Variants in GFRA1 observed in about 807,000 individuals in gnomAD.
GFRA1 encodes GDNF family receptor alpha-1.
In GFRA1, 16 loss-of-function variants were observed where a neutral mutation model predicts 51.6. The observed-to-expected ratio is 0.31, with a 90% CI of 0.21 to 0.47. The LOEUF (loss-of-function observed/expected upper bound fraction) is 0.47, where lower values mean the gene tolerates loss of function less well. Ranked by LOEUF, GFRA1 falls within the 20% of genes least tolerant of loss-of-function variation. The pLI, the probability that GFRA1 is intolerant of heterozygous loss-of-function variation, is 1.00. For missense variants in GFRA1, 530 were observed against 594.3 expected, an observed-to-expected ratio of 0.89 and a Z score of 1.13; for synonymous variants, 270 against 241.3, an observed-to-expected ratio of 1.12 and a Z score of -1.10.
chr10:116,124,052 G>A (rs1957751435), intron 6 of GFRA1, among the ~76,000 whole-genome samples: 2 of 151,238 alleles, frequency 1.3e-5, no homozygotes, highest in Admixed American at 6.6e-5. Context: ...CCAAAGGCAT[G>A]CACTACCACG....
chr10:116,166,790 T>C (rs1260196367), intron 5 of GFRA1, among the ~76,000 whole-genome samples: 2 of 63,842 alleles, frequency 3.1e-5, no homozygotes, highest in African/African-American at 1.2e-4. Context: ...CTTTTTTTTT[T>C]TTTTTTTTTT....
chr10:116,114,721 C>G (rs977658214), intron 6 of GFRA1, among the ~76,000 whole-genome samples: 2 of 152,104 alleles, frequency 1.3e-5, no homozygotes, highest in Non-Finnish European at 1.5e-5. Flanking sequence ...TCAAAGATCT[C>G]TCTCTGTTCT....
chr10:116,228,128 G>A (rs1254701946), intron 4 of GFRA1, among the ~76,000 whole-genome samples: 1 of 152,146 alleles, frequency 6.6e-6, no homozygotes, highest in Non-Finnish European at 1.5e-5. Flanking sequence ...CAGGGCTTGG[G>A]TAATCAAAGC....
chr10:116,156,095 A>G (rs1392649921), intron 5 of GFRA1, among the ~76,000 whole-genome samples: 1 of 152,244 alleles, frequency 6.6e-6, no homozygotes, highest in Non-Finnish European at 1.5e-5. Context: ...GCAAAGCTCC[A>G]ATCAAACCAA....
intron 5 of GFRA1, among the ~76,000 whole-genome samples, chr10:116,182,358 T>C (rs1394707287): frequency 6.6e-6 from 1 of 152,250 alleles, no homozygotes; most frequent in Non-Finnish European, 1.5e-5. Flanking sequence ...CATATTTAGT[T>C]AAGAGCAAAT....
intron 5 of GFRA1, among the ~76,000 whole-genome samples, chr10:116,130,430 C>A (rs1271956304): frequency 2.0e-5 from 3 of 151,982 alleles, no homozygotes; most frequent in Non-Finnish European, 4.4e-5. Flanking sequence ...TATGGAAACG[C>A]AAAGGACACA....
chr10:116,207,548 T>C (rs531562040), intron 5 of GFRA1, among the ~76,000 whole-genome samples: 305 of 152,272 alleles, frequency 2.0e-3, no homozygotes, highest in African/African-American at 7.0e-3. Context: ...CCAGTGGTCC[T>C]GGAGACCTTG....
At chr10:116,095,913 C>T (rs1956550088) in intron 7 of GFRA1, among the ~76,000 whole-genome samples, 1 of 152,074 alleles carries the variant, frequency 6.6e-6, no homozygotes, top group African/African-American at 2.4e-5. Context: ...GCCCTGCCAC[C>T]AAGGCTTCTG....
At chr10:116,252,490 G>A (rs1968465085) in intron 4 of GFRA1, among the ~76,000 whole-genome samples, 1 of 152,160 alleles carries the variant, frequency 6.6e-6, no homozygotes, top group Non-Finnish European at 1.5e-5. Flanking sequence ...TATACAGCTG[G>A]CGCCTACTGC....
Position 116,171,357 on chromosome 10 carries a change from G to A in GFRA1, c.433+40274C>T, listed in dbSNP as rs566964446. 1.6e-4 allele frequency among the ~76,000 whole-genome samples: 24 copies of A among 152,198 alleles called. No individual in the cohort carries two copies. The South Asian group carries it at 4.1e-3, about 26-fold the overall frequency. ...TTTTTATCAAACAGACGCTAAACTC[G>A]GAGCAACTGTACCAAAGAAAAAGAG... is the stretch of plus-strand genomic sequence containing the variant. On this transcript the variant is annotated intron_variant, in intron 5 of 10. Transcript: ENST00000355422.
intron 8 of GFRA1, among the ~76,000 whole-genome samples, chr10:116,090,265 C>CTTGGGA (rs1375045901): frequency 6.6e-6 from 1 of 152,040 alleles, no homozygotes; most frequent in Non-Finnish European, 1.5e-5. Flanking sequence ...AGTACTGTTA[C>CTTGGGA]TTGGGATCAT....
intron 4 of GFRA1, among the ~76,000 whole-genome samples, chr10:116,261,505 T>C (rs983463990): frequency 6.6e-6 from 1 of 152,208 alleles, no homozygotes; most frequent in Non-Finnish European, 1.5e-5. Flanking sequence ...TCTTTCCTAC[T>C]CTCATTTTCT....
At chr10:116,193,537 T>C (rs1436180727) in intron 5 of GFRA1, among the ~76,000 whole-genome samples, 1 of 152,158 alleles carries the variant, frequency 6.6e-6, no homozygotes, top group African/African-American at 2.4e-5. Flanking sequence ...TTTTCTGATG[T>C]AGCCAGCAGA....
intron 5 of GFRA1, among the ~76,000 whole-genome samples, chr10:116,177,989 C>T (rs1274934531): frequency 6.6e-6 from 1 of 152,142 alleles, no homozygotes; most frequent in African/African-American, 2.4e-5. Flanking sequence ...ACGGCAGAGT[C>T]CAACAGTTAC....
At chr10:116,092,094 CGT>C (rs1565568365) in intron 8 of GFRA1, among the ~76,000 whole-genome samples, 1 of 121,168 alleles carries the variant, frequency 8.3e-6, no homozygotes, top group East Asian at 2.3e-4. Flanking sequence ...TACATACATA[CGT>C]ACACACACAC....
chr10:116,124,142 C>T lies in GFRA1; in HGVS notation c.770+1079G>A, dbSNP rs140873718. ...CAGGTCTCGAACTCCCGACCTCAAG[C>T]GATCTGCCTGCCTCAGCCTCCCAAA... On this transcript the variant is annotated intron_variant, in intron 6 of 10. Transcript: ENST00000355422. Among the ~76,000 whole-genome samples the T allele has an allele frequency of 4.3e-3, 646 of 151,962 alleles. 5 individuals are homozygous for T. The highest frequency in any genetic ancestry group is 0.015 in the African/African-American group (621 of 41,440).
intron 5 of GFRA1, among the ~76,000 whole-genome samples, chr10:116,195,625 T>G (rs1224834304): frequency 6.6e-6 from 1 of 152,232 alleles, no homozygotes; most frequent in Non-Finnish European, 1.5e-5. Context: ...CACCTCCTGC[T>G]GCGCAGCCTG....
chr10:116,097,527 G>T (rs1956650809), intron 6 of GFRA1, among the ~76,000 whole-genome samples: 1 of 152,188 alleles, frequency 6.6e-6, no homozygotes, highest in African/African-American at 2.4e-5. Context: ...CCCAGAAGGG[G>T]ACAGAAGCCG....
At chr10:116,266,821 T>C (rs1486868713) in intron 4 of GFRA1, among the ~76,000 whole-genome samples, 2 of 152,172 alleles carry the variant, frequency 1.3e-5, no homozygotes, top group African/African-American at 4.8e-5. Flanking sequence ...GTTGAAATGA[T>C]TGCAAGGGTA....
Sources: gnomAD v4.1 joint callset for allele counts (sites outside exome capture counted in the v4.1 genomes callset) on GRCh38, gnomAD v4.1.1 for gene constraint, MANE v1.5 for transcripts, NCBI Gene and HGNC (gene_info 2026-07-23, HGNC 2026-07-21) for gene names.